The following ZMYND11 variants were observed in gnomAD, a reference collection of about 807,000 sequenced individuals.
ZMYND11 encodes the protein zinc finger MYND domain-containing protein 11.
In ZMYND11, 9 loss-of-function variants were observed where a neutral mutation model predicts 84.9. The observed-to-expected ratio is 0.11, with a 90% CI of 0.06 to 0.18. ZMYND11 has a LOEUF of 0.18. Ranked by LOEUF, ZMYND11 falls within the 10% of genes least tolerant of loss-of-function variation. The probability of loss-of-function intolerance (pLI) is 1.00; values close to 1 mark genes in which losing one functional copy is unlikely to be tolerated. For synonymous variants in ZMYND11, 250 were observed against 244.1 expected, an observed-to-expected ratio of 1.02 and a Z score of -0.23; for missense variants, 409 against 761.0, an observed-to-expected ratio of 0.54 and a Z score of 5.44.
At chr10:161,224 G>A (rs781920424) in intron 1 of ZMYND11, among the ~76,000 whole-genome samples, 11 of 152,164 alleles carry the variant, frequency 7.2e-5, no homozygotes, top group Admixed American at 5.9e-4. Context: ...GAGCTCTGGG[G>A]TAACCAGGTG....
In ZMYND11 at chr10:135,587, G is replaced by A. The variant is rs1490858305; in HGVS notation, c.-20+28G>A. On this transcript the variant is annotated intron_variant, in intron 1 of 14. Transcript: ENST00000381604. This position sits in a 1 kb window ranked among gnomAD's most constrained non-coding sequence, Gnocchi z 5.6. Reference sequence around the variant, plus strand: ...GGGGAAAGCTCGGCGGCGGGGCGGCGGGGCGGGCGGGGGCGTCCGTGGAGA... The same window carrying A: ...GGGGAAAGCTCGGCGGCGGGGCGGCAGGGCGGGCGGGGGCGTCCGTGGAGA... 1 of 150,264 alleles carries A rather than the reference G, an allele frequency of 6.7e-6. No individual in the cohort carries two copies. The highest frequency in any genetic ancestry group is 6.7e-5 in the Admixed American group (1 of 15,032). The allele number at this position is 150,264 out of a possible 1,614,324, so 9.3% of individuals were successfully genotyped here. A position where few individuals can be genotyped will look rare whatever the true frequency, so the allele number is the denominator to read the frequency against.
upstream of ZMYND11, among the ~76,000 whole-genome samples, chr10:133,451 C>A (rs1337466817): frequency 1.3e-5 from 2 of 152,084 alleles, no homozygotes; most frequent in African/African-American, 2.4e-5. Context: ...GGTAAGTTAT[C>A]TAACTTACAT....
chr10:247,125 G>C (rs1952315602), intron 11 of ZMYND11, 152 bp downstream of exon 11: 1 of 848,858 alleles, frequency 1.2e-6, no homozygotes, highest in Non-Finnish European at 1.8e-6. Flanking sequence ...ACCAAAAGCA[G>C]TTCAAATGAA....
chr10:175,550 CAA>C (rs1250304836), intron 1 of ZMYND11, among the ~76,000 whole-genome samples: 5 of 152,050 alleles, frequency 3.3e-5, no homozygotes, highest in East Asian at 1.9e-4. Flanking sequence ...GCCTGGGTGA[CAA>C]GAGCGAAACT....
At chr10:183,138 A>G (rs1018733027) in intron 2 of ZMYND11, among the ~76,000 whole-genome samples, 1 of 152,032 alleles carries the variant, frequency 6.6e-6, no homozygotes, top group Non-Finnish European at 1.5e-5. Context: ...TACACCCTAA[A>G]CACTCTAGTT....
chr10:132,693 T>C (rs1392688091), upstream of ZMYND11, among the ~76,000 whole-genome samples: 4 of 152,222 alleles, frequency 2.6e-5, no homozygotes, highest in African/African-American at 9.6e-5. Flanking sequence ...TCAAATGAGT[T>C]TGAGCAATTA....
At chr10:205,001 C>T (rs1382882253) in intron 2 of ZMYND11, among the ~76,000 whole-genome samples, 6 of 152,010 alleles carry the variant, frequency 3.9e-5, no homozygotes, top group Non-Finnish European at 5.9e-5. Flanking sequence ...CCATTACATG[C>T]TAGATTCCTT....
intron 4 of ZMYND11, among the ~76,000 whole-genome samples, chr10:222,191 T>A (rs895235268): frequency 1.3e-5 from 2 of 152,236 alleles, no homozygotes; most frequent in Admixed American, 6.5e-5. Context: ...TTGCGTAATT[T>A]AAGTATTTTT....
chr10:217,461 T>TG (rs1946374485), intron 3 of ZMYND11, among the ~76,000 whole-genome samples: 1 of 150,956 alleles, frequency 6.6e-6, no homozygotes, highest in Admixed American at 6.6e-5. Context: ...AGGCGGAGGT[T>TG]GCAGTGAGCC....
chr10:166,190 A>G (rs74570319), intron 1 of ZMYND11, among the ~76,000 whole-genome samples: 3,019 of 152,276 alleles, frequency 0.02, 94 homozygotes, highest in African/African-American at 0.068. Context: ...TGGTTTTGCA[A>G]TGGATTCTTA....
intron 4 of ZMYND11, among the ~76,000 whole-genome samples, chr10:230,865 C>G (rs566484893): frequency 3.9e-5 from 6 of 152,138 alleles, no homozygotes; most frequent in Non-Finnish European, 7.3e-5. Context: ...TGATACGTAT[C>G]GAACGTTTAC....
intron 1 of ZMYND11, among the ~76,000 whole-genome samples, chr10:170,301 C>A (rs1844988315): frequency 6.6e-6 from 1 of 151,810 alleles, no homozygotes; most frequent in Non-Finnish European, 1.5e-5. Flanking sequence ...CAGTTAGAAA[C>A]CTGGATGTAG....
chr10:161,642 C>T (rs189699431), intron 1 of ZMYND11, among the ~76,000 whole-genome samples: 1 of 152,342 alleles, frequency 6.6e-6, no homozygotes, highest in East Asian at 1.9e-4. Flanking sequence ...GGATAACTTG[C>T]TGTTTCCTCC....
chr10:157,509 T>G (rs1241552507), intron 1 of ZMYND11, among the ~76,000 whole-genome samples: 1 of 152,190 alleles, frequency 6.6e-6, no homozygotes, highest in Admixed American at 6.5e-5. Context: ...ATAATAGCTA[T>G]TTTTAAAAGT....
In ZMYND11 at chr10:248,491, C is replaced by A. The variant is rs140672190; in HGVS notation, c.1383C>A (p.Gly461=). 1.2e-6 allele frequency: 2 copies of A among 1,614,062 alleles called. No homozygotes were observed. Among genetic ancestry groups the A allele is most frequent in the Non-Finnish European group, 1.7e-6 (2 of 1,180,056 alleles). Reference sequence around the variant, plus strand: ...GGAGCACCCAGACCACAAACGACGGCGTGTGTCAGAGCATGTGCCATGACA... The same window carrying A: ...GGAGCACCCAGACCACAAACGACGGAGTGTGTCAGAGCATGTGCCATGACA... ...LHRSTQTTND[G]VCQSMCHDKY... is the part of the protein sequence containing the mutation. The change falls in exon 13 of 15, where the codon GGC becomes GGA. Residue 461 remains glycine (G), a synonymous_variant. Transcript: ENST00000381604.
chr10:216,182 C>T (rs1946167033), intron 3 of ZMYND11, among the ~76,000 whole-genome samples: 1 of 152,096 alleles, frequency 6.6e-6, no homozygotes, highest in Non-Finnish European at 1.5e-5. Flanking sequence ...TCAGAACTAC[C>T]ACCGTAGGCA....
At position 168,466 on chromosome 10, in the gene ZMYND11, T is replaced by C. The variant is rs568090485; in HGVS notation, c.-19-11528T>C. On this transcript the variant is annotated intron_variant, in intron 1 of 14. Coordinates refer to ENST00000381604, the MANE Select transcript of ZMYND11 (RefSeq NM_001370100.5). ...GTCTCTTAAAAGAAAATTTAACATA[T>C]GATTAGGAATGTATCACATTTTGTT... Among the ~76,000 whole-genome samples, 9 of 152,186 alleles carry C rather than the reference T, an allele frequency of 5.9e-5. No homozygotes were observed. The East Asian group carries it at 1.5e-3, about 26-fold the overall frequency.
intron 2 of ZMYND11, among the ~76,000 whole-genome samples, chr10:201,585 T>TACGCACACACACACACAC (rs1943150726): frequency 6.8e-6 from 1 of 146,064 alleles, no homozygotes; most frequent in African/African-American, 2.6e-5. Context: ...TACCATGAAA[T>TACGCACACACACACACAC]ACACACACAC....
chr10:164,766 A>G (rs782278190), intron 1 of ZMYND11, among the ~76,000 whole-genome samples: 17 of 152,142 alleles, frequency 1.1e-4, no homozygotes, highest in Non-Finnish European at 2.1e-4. Context: ...AGGACAGTGT[A>G]TGTGTGTTGG....
Sources: allele counts gnomAD v4.1 joint callset (sites outside exome capture counted in the v4.1 genomes callset), GRCh38; gene constraint gnomAD v4.1.1; non-coding constraint Gnocchi (gnomAD v3.1); transcripts MANE v1.5; gene names NCBI Gene and HGNC (gene_info 2026-07-23, HGNC 2026-07-21).